ATG13: variants seen among roughly 807,000 people sequenced by gnomAD.
ATG13 encodes autophagy related 13, also known as autophagy-related protein 13.
A neutral mutation model predicts 65.5 loss-of-function variants in ATG13; 23 were observed. The observed-to-expected ratio is 0.35, with a 90% CI of 0.25 to 0.50. ATG13 has a LOEUF of 0.50. ATG13 is among the 20% of genes least tolerant of loss of function. The pLI is 0.98. For synonymous variants in ATG13, 252 were observed against 245.2 expected (o/e 1.03, Z -0.26); for missense variants, 566 against 677.0 (o/e 0.84, Z 1.82).
rs2060149941 is a variant in ATG13 at position 46,656,912 on chromosome 11, C to CGCACAT, written c.500-183_500-182insGCACAT. The CGCACAT allele has an allele frequency of 5.1e-6, 3 of 592,878 alleles. No individual in the cohort carries two copies. The African/African-American group carries it at 5.6e-5, about 11-fold the overall frequency. The allele number at this position is 592,878 out of a possible 1,614,324, so 36.7% of individuals were successfully genotyped here. A position where few individuals can be genotyped will look rare whatever the true frequency, so the allele number is the denominator to read the frequency against. Reference sequence around the variant, plus strand: ...GAGAGGGAAGAAACCTATATATACACACACATACACGCACATACACACACA... The same window carrying CGCACAT: ...GAGAGGGAAGAAACCTATATATACACGCACATACACATACACGCACATACACACACA... On this transcript the variant is annotated intron_variant, in intron 8 of 18. Coordinates refer to ENST00000683050, the MANE Select transcript of ATG13 (RefSeq NM_001346311.2).
At chr11:46,640,201 T>C (rs1487962818) in intron 2 of ATG13, among the ~76,000 whole-genome samples, 2 of 152,180 alleles carry the variant, frequency 1.3e-5, no homozygotes, top group Non-Finnish European at 2.9e-5. Flanking sequence ...AGCCTGTCTG[T>C]AGAACAGTAG....
At chr11:46,664,201 G>A (rs1206104176) in intron 12 of ATG13, 106 bp downstream of exon 12, 2 of 910,218 alleles carry the variant, frequency 2.2e-6, no homozygotes, top group Non-Finnish European at 3.3e-6. Flanking sequence ...CAAGTGTTCT[G>A]TGGGATTATT....
At chr11:46,650,037 T>C (rs1032920839) in intron 6 of ATG13, 140 bp from the exon 7 acceptor site, 3 of 884,918 alleles carry the variant, frequency 3.4e-6, no homozygotes, top group African/African-American at 1.7e-5. Context: ...AAGTAAAACA[T>C]TGGCTTACCT....
intron 2 of ATG13, among the ~76,000 whole-genome samples, chr11:46,633,016 ATATATATATATTTT>A (rs1270089735): frequency 2.6e-5 from 3 of 115,480 alleles, no homozygotes; most frequent in African/African-American, 9.9e-5. Context: ...ATATATATAT[ATATATATATATTTT>A]TTTTTTTTTT....
intron 18 of ATG13, among the ~76,000 whole-genome samples, chr11:46,671,286 A>T (rs929353074): frequency 2.0e-5 from 3 of 152,226 alleles, no homozygotes; most frequent in Admixed American, 6.5e-5. Flanking sequence ...AACTCTGCAG[A>T]TGCAGCTTCT....
intron 2 of ATG13, among the ~76,000 whole-genome samples, chr11:46,641,095 T>TG (rs1049992245): frequency 3.3e-5 from 5 of 152,214 alleles, no homozygotes; most frequent in South Asian, 2.1e-4. Context: ...TTATTTAAGA[T>TG]GGAGTCTTGC....
intron 2 of ATG13, among the ~76,000 whole-genome samples, chr11:46,642,189 A>T (rs890562496): frequency 6.6e-6 from 1 of 152,022 alleles, no homozygotes; most frequent in African/African-American, 2.4e-5. Context: ...GTTTTTGTTA[A>T]ATGAAACTCT....
chr11:46,656,193 A>T, intron 7 of ATG13, 40 bp from the exon 8 acceptor site: 1 of 1,590,456 alleles, frequency 6.3e-7, no homozygotes, highest in Non-Finnish European at 8.6e-7. Context: ...CCTTAGGAGT[A>T]AAGAATCAGG....
intron 1 of ATG13, among the ~76,000 whole-genome samples, chr11:46,628,110 A>C (rs1377360827): frequency 6.6e-6 from 1 of 151,664 alleles, no homozygotes; most frequent in Non-Finnish European, 1.5e-5. Flanking sequence ...AAGGCAGGAA[A>C]AAAAGCATTT....
intron 1 of ATG13, among the ~76,000 whole-genome samples, chr11:46,623,880 G>A (rs1290238327): frequency 6.7e-6 from 1 of 148,598 alleles, no homozygotes; most frequent in East Asian, 2.0e-4. Flanking sequence ...CCTATATATT[G>A]TATAACTATT....
chr11:46,639,020 C>T (rs1401699782), intron 2 of ATG13, among the ~76,000 whole-genome samples: 2 of 151,904 alleles, frequency 1.3e-5, no homozygotes, highest in African/African-American at 2.4e-5. Flanking sequence ...AGGAGTCTCG[C>T]TCTGTTGCCC....
rs759474355 is a variant in ATG13, at chr11:46,672,647, T to G, written c.*315T>G. The G allele has an allele frequency of 9.3e-6, 13 of 1,390,780 alleles. No individual in the cohort carries two copies. The East Asian group carries it at 4.3e-4, about 46-fold the overall frequency. 86.2% of individuals were successfully genotyped at this position (1,390,780 alleles called of 1,614,324 possible). On this transcript the variant is annotated 3_prime_UTR_variant, in exon 19 of 19. Coordinates refer to ENST00000683050, the MANE Select transcript of ATG13 (RefSeq NM_001346311.2). The stretch of plus-strand genomic sequence containing the variant: ...CAACTGCTTCCCAAGGGTGTCATCC[T>G]GTTCCTCCTGCTGCCGGCCTCCTGC...
intron 2 of ATG13, among the ~76,000 whole-genome samples, chr11:46,633,016 ATATATATATATTT>A (rs377444327): frequency 0.074 from 8,582 of 115,400 alleles, 1,020 homozygotes; most frequent in African/African-American, 0.27. Context: ...ATATATATAT[ATATATATATATTT>A]TTTTTTTTTT....
At chr11:46,642,238 T>G (rs1324982649) in intron 2 of ATG13, among the ~76,000 whole-genome samples, 1 of 152,026 alleles carries the variant, frequency 6.6e-6, no homozygotes, top group African/African-American at 2.4e-5. Flanking sequence ...CTGCTACTCC[T>G]TTGTCCTGTT....
At chr11:46,617,990 G>A (rs1282547187) in intron 1 of ATG13, 100 bp downstream of exon 1, 7 of 398,388 alleles carry the variant, frequency 1.8e-5, no homozygotes, top group Non-Finnish European at 2.7e-5. Flanking sequence ...GGAAGTAGAA[G>A]GGATTAGCCA....
intron 14 of ATG13, 41 bp downstream of exon 14, chr11:46,665,560 A>G: frequency 2.5e-6 from 4 of 1,608,746 alleles, no homozygotes; most frequent in Non-Finnish European, 3.4e-6. Flanking sequence ...AAGGCTGGCC[A>G]GGGGCCTGGG....
At position 46,617,584 on chromosome 11, in the gene ATG13, T is replaced by A; in HGVS notation, c.-376T>A. ...TACCGAAGCGGATGAAAACAAACAC[T>A]AACGATGGCGGCGCCGGGAAGCGAC... On this transcript the variant is annotated 5_prime_UTR_variant, in exon 1 of 19. Coordinates refer to ENST00000683050, the MANE Select transcript of ATG13 (RefSeq NM_001346311.2). 2 of 118,806 alleles carry A rather than the reference T, an allele frequency of 1.7e-5. No homozygotes were observed. Among genetic ancestry groups the A allele is most frequent in the Non-Finnish European group, 1.6e-5 (1 of 64,242 alleles). 7.4% of individuals were successfully genotyped at this position (118,806 alleles called of 1,614,324 possible).
intron 7 of ATG13, among the ~76,000 whole-genome samples, chr11:46,652,408 C>A (rs898907290): frequency 2.0e-5 from 3 of 152,088 alleles, no homozygotes; most frequent in Non-Finnish European, 4.4e-5. Flanking sequence ...AGGTTAACAG[C>A]GTGATACCAT....
At position 46,649,159 on chromosome 11, in the gene ATG13, T is replaced by C. The variant is rs750723551; in HGVS notation, c.293T>C (p.Ile98Thr). 2 of 1,613,176 alleles carry C rather than the reference T, an allele frequency of 1.2e-6. No homozygotes were observed. Among genetic ancestry groups the C allele is most frequent in the Non-Finnish European group, 8.5e-7 (1 of 1,179,514 alleles). ...TSEGDSMELE[I>T]WCLEMNEKCD... ...CAGGGAGATTCCATGGAGCTGGAAATATGGTGTCTTGAAATGAATGAAAAG... is the reference window on the plus strand; with the variant it reads ...CAGGGAGATTCCATGGAGCTGGAAACATGGTGTCTTGAAATGAATGAAAAG... Residue 98 changes from isoleucine to threonine, a missense_variant, in exon 6 of 19, where the codon ATA (isoleucine) becomes ACA (threonine). Ile to Thr is a moderately conservative substitution (Grantham distance 89). Around this residue, in one of 2 missense-constraint regions of ATG13, gnomAD observed 179 missense variants for 267.2 expected, o/e 0.67. Transcript: ENST00000683050.
Sources: allele counts gnomAD v4.1 joint callset (sites outside exome capture counted in the v4.1 genomes callset), GRCh38; gene constraint gnomAD v4.1.1; regional missense constraint gnomAD v4.1.1; transcripts MANE v1.5; gene names NCBI Gene and HGNC (gene_info 2026-07-23, HGNC 2026-07-21).